The following TBC1D8 variants were observed in gnomAD, a reference collection of about 807,000 sequenced individuals.
The protein encoded by TBC1D8 is BUB2-like protein 1.
Under a neutral mutation model 118.8 loss-of-function variants are expected in TBC1D8, and 65 were observed. That is an observed-to-expected ratio of 0.55 (90% confidence interval 0.45 to 0.67). TBC1D8 has a LOEUF of 0.67. TBC1D8 is among the 30% of genes least tolerant of loss of function. The pLI is 0.00. For synonymous variants in TBC1D8, 566 were observed against 595.8 expected, an observed-to-expected ratio of 0.95 and a Z score of 0.73; for missense variants, 1,376 against 1,471.2, an observed-to-expected ratio of 0.94 and a Z score of 1.06.
At chr2:101,020,447 A>G (rs920610264) in intron 17 of TBC1D8, among the ~76,000 whole-genome samples, 3 of 152,268 alleles carry the variant, frequency 2.0e-5, no homozygotes, top group Non-Finnish European at 4.4e-5. Context: ...CATAAAGGGC[A>G]GAAAACTTCA....
Position 101,008,074 on chromosome 2 carries a change from TCCTCAGGAGAAGGAGCTGAAG to T in TBC1D8, c.3194_3214del (p.Ala1065_Glu1071del). 6.2e-7 allele frequency: 1 copy of T among 1,613,648 alleles called. No homozygotes were observed. Among genetic ancestry groups the T allele is most frequent in the Non-Finnish European group, 8.5e-7 (1 of 1,179,814 alleles). On this transcript the variant is annotated inframe_deletion, in exon 20 of 20. Transcript: ENST00000409318. ...CTTCCCAGTGTCTGCAAAAACCGAGTCCTCAGGAGAAGGAGCTGAAGCCCGCAGCTCCTCCCCACACTCCTG... is the reference window on the plus strand; with the variant it reads ...CTTCCCAGTGTCTGCAAAAACCGAGTCCCGCAGCTCCTCCCCACACTCCTG...
intron 5 of TBC1D8, among the ~76,000 whole-genome samples, chr2:101,047,393 C>A (rs1397236320): frequency 2.0e-5 from 3 of 152,200 alleles, no homozygotes; most frequent in Non-Finnish European, 4.4e-5. Context: ...CACCTTTCTG[C>A]AGCCATTATC....
intron 1 of TBC1D8, among the ~76,000 whole-genome samples, chr2:101,116,471 A>C (rs1553422670): frequency 6.6e-6 from 1 of 152,116 alleles, no homozygotes; most frequent in Non-Finnish European, 1.5e-5. Flanking sequence ...AAGCAGGTGC[A>C]AAGTCCCTGG....
rs569701732 is a variant in TBC1D8, at chr2:101,074,791, A to T, written c.284-15252T>A. 5.3e-5 allele frequency among the ~76,000 whole-genome samples: 8 copies of T among 152,330 alleles called. No individual in the cohort carries two copies. The East Asian group carries it at 1.5e-3, about 29-fold the overall frequency. ...TATAACTATGTAGTTTTACAGTTGA[A>T]TTGGAAAAGTCAGTATGAACTCATT... is the stretch of plus-strand genomic sequence containing the variant. On this transcript the variant is annotated intron_variant, in intron 2 of 19. Transcript: ENST00000409318.
chr2:101,085,552 C>A (rs1382201268), intron 2 of TBC1D8, among the ~76,000 whole-genome samples: 1 of 152,164 alleles, frequency 6.6e-6, no homozygotes, highest in Non-Finnish European at 1.5e-5. Context: ...GCCAATATAA[C>A]GTCCGGGATA....
chr2:101,141,227 A>C (rs948846213), intron 1 of TBC1D8, among the ~76,000 whole-genome samples: 1 of 152,136 alleles, frequency 6.6e-6, no homozygotes, highest in Non-Finnish European at 1.5e-5. Context: ...CTACAAAAAC[A>C]TTAACAAGAG....
intron 1 of TBC1D8, among the ~76,000 whole-genome samples, chr2:101,110,819 A>G (rs1490943760): frequency 6.6e-6 from 1 of 152,004 alleles, no homozygotes; most frequent in Non-Finnish European, 1.5e-5. Flanking sequence ...AAAAATACAA[A>G]AAAAATTAGC....
intron 2 of TBC1D8, among the ~76,000 whole-genome samples, chr2:101,060,006 C>T (rs1386660737): frequency 6.6e-6 from 1 of 152,230 alleles, no homozygotes; most frequent in Non-Finnish European, 1.5e-5. Flanking sequence ...AAGGCACCCC[C>T]ATAGGGGCCG....
intron 17 of TBC1D8, among the ~76,000 whole-genome samples, chr2:101,019,944 C>T (rs1004142442): frequency 5.3e-5 from 8 of 151,704 alleles, no homozygotes; most frequent in East Asian, 3.9e-4. Context: ...TGGTGGTGGG[C>T]GCCTGTAGTC....
intron 15 of TBC1D8, among the ~76,000 whole-genome samples, chr2:101,023,206 G>A (rs1272540574): frequency 3.1e-4 from 45 of 146,576 alleles, no homozygotes; most frequent in African/African-American, 8.7e-4. Context: ...GTGCAGTGGC[G>A]CGATCTCAGC....
intron 1 of TBC1D8, among the ~76,000 whole-genome samples, chr2:101,144,691 C>T (rs900267936): frequency 6.6e-6 from 1 of 152,224 alleles, no homozygotes; most frequent in African/African-American, 2.4e-5. Context: ...AATCCTAGCA[C>T]TTTGGAAGGC....
rs1680825926 is a variant in TBC1D8 at position 101,033,777 on chromosome 2, G to A, written c.1604-19C>T. ...ACCGCATCTGAGTTTTAAAAGCAAT[G>A]TTTCAAGGGGGAATGATTACTAGGA... On this transcript the variant is annotated intron_variant, in intron 9 of 19. Coordinates refer to ENST00000409318, the MANE Select transcript of TBC1D8 (RefSeq NM_001330348.2). 1.2e-6 allele frequency: 2 copies of A among 1,605,736 alleles called. No homozygotes were observed. The highest frequency in any genetic ancestry group is 1.7e-6 in the Non-Finnish European group (2 of 1,174,026).
At chr2:101,124,549 T>C (rs1477477213) in intron 1 of TBC1D8, among the ~76,000 whole-genome samples, 1 of 152,116 alleles carries the variant, frequency 6.6e-6, no homozygotes, top group African/African-American at 2.4e-5. Context: ...GCTGAGGAGA[T>C]GTGGCAAGGA....
chr2:101,134,189 TCTCTCTCTCACACA>T (rs754012351), intron 1 of TBC1D8, among the ~76,000 whole-genome samples: 2 of 95,818 alleles, frequency 2.1e-5, no homozygotes, highest in African/African-American at 9.6e-5. Context: ...TCTCTCTCTC[TCTCTCTCTCACACA>T]CACACACACA....
In TBC1D8 at chr2:101,040,132, A is replaced by G. The variant is rs970539049; in HGVS notation, c.1080+46T>C. ...CTCACAGCCAGCAACCTTGTGTTCA[A>G]ACAACAAAAGGCTGCTTCGGGAAGC... On this transcript the variant is annotated intron_variant, in intron 6 of 19. Coordinates refer to ENST00000409318, the MANE Select transcript of TBC1D8 (RefSeq NM_001330348.2). 5.0e-6 allele frequency: 8 copies of G among 1,587,626 alleles called. No homozygotes were observed. In the African/African-American group the frequency reaches 9.4e-5, roughly 19 times the overall value.
chr2:101,085,071 G>A (rs576748568), intron 2 of TBC1D8, among the ~76,000 whole-genome samples: 11 of 151,760 alleles, frequency 7.2e-5, no homozygotes, highest in South Asian at 2.1e-4. Context: ...CAGGATGGTC[G>A]CGATCTCCTG....
At chr2:101,130,334 G>A (rs1038236370) in intron 1 of TBC1D8, among the ~76,000 whole-genome samples, 4 of 152,218 alleles carry the variant, frequency 2.6e-5, no homozygotes, top group African/African-American at 4.8e-5. Context: ...ACAGGTGCCC[G>A]CGCCCTGAGG....
rs376791505 is a variant in TBC1D8, at chr2:101,028,064, G to A, written c.2435C>T (p.Thr812Ile). The A allele has an allele frequency of 1.3e-5, 21 of 1,613,990 alleles. No individual in the cohort carries two copies. The African/African-American group carries it at 2.4e-4, about 18-fold the overall frequency. Residue 812 changes from threonine to isoleucine, a missense_variant, in exon 14 of 20, where the codon ACC (threonine) becomes ATC (isoleucine). By Grantham distance (89) the Thr-to-Ile change is moderately conservative (BLOSUM62 -1). Coordinates refer to ENST00000409318, the MANE Select transcript of TBC1D8 (RefSeq NM_001330348.2). Reference sequence around the variant, plus strand: ...GCTACCCACCACGTTCTGCTTTGTGGTGTCCTCGTGGCCTTGGAGGACCCT... The same window carrying A: ...GCTACCCACCACGTTCTGCTTTGTGATGTCCTCGTGGCCTTGGAGGACCCT... ...RIRVLQGHED[T>I]TKQNVLRVVI...
chr2:101,007,870 A>T lies in TBC1D8; in HGVS notation c.3419T>A (p.Phe1140Tyr). Residue 1140 changes from phenylalanine (F) to tyrosine (Y), a missense_variant, in exon 20 of 20, where the codon TTT becomes TAT. Physicochemically the swap from Phe to Tyr is conservative, Grantham distance 22. Transcript: ENST00000409318. ...AGATTGTGATTGGTGGCTCATTTCA[A>T]AAGTTTTGAGATTGTACTGATTGAT... ...AKINQYNLKT[F>Y]EMSHQSQSEL... 5 of 1,613,866 alleles carry T rather than the reference A, an allele frequency of 3.1e-6. No individual in the cohort carries two copies. Among genetic ancestry groups the T allele is most frequent in the East Asian group, 2.2e-5 (1 of 44,892 alleles).
Sources: gnomAD v4.1 joint callset for allele counts (sites outside exome capture counted in the v4.1 genomes callset) on GRCh38, gnomAD v4.1.1 for gene constraint, MANE v1.5 for transcripts, NCBI Gene and HGNC (gene_info 2026-07-23, HGNC 2026-07-21) for gene names.